MYO7A: variants seen among roughly 807,000 people sequenced by gnomAD.
MYO7A encodes unconventional myosin-VIIa.
In MYO7A, 210 loss-of-function variants were observed where a neutral mutation model predicts 263.8. The observed-to-expected ratio is 0.80, with a 90% CI of 0.71 to 0.89. The LOEUF is 0.89. Ranked by LOEUF, MYO7A falls within the 40% of genes least tolerant of loss-of-function variation. The pLI is 0.00. For missense variants in MYO7A, 2,820 were observed against 2,968.3 expected (o/e 0.95, Z 1.16); for synonymous variants, 1,239 against 1,197.3 (o/e 1.03, Z -0.72).
chr11:77,189,620 T>C lies in MYO7A; in HGVS notation c.3630+150T>C. 6 of 1,201,832 alleles carry C rather than the reference T, an allele frequency of 5.0e-6. No individual in the cohort carries two copies. The South Asian group carries it at 7.4e-5, about 15-fold the overall frequency. 74.4% of individuals were successfully genotyped at this position (1,201,832 alleles called of 1,614,324 possible). A position where few individuals can be genotyped will look rare whatever the true frequency, so the allele number is the denominator to read the frequency against. On this transcript the variant is annotated intron_variant, in intron 28 of 48. Transcript: ENST00000409709. ...TGAGCCCCATCTTCCTGGCACCCCC[T>C]CCTCTCAGGCAGCCACCTCTTTTCC...
chr11:77,194,092 C>T lies in MYO7A; in HGVS notation c.4153-262C>T, dbSNP rs1429306446. ...TGTTTCTTTGCATCACTTCATGTGC[C>T]CCTGGGCAGAGTCCAGCTCCATGCC... On this transcript the variant is annotated intron_variant, in intron 31 of 48. Coordinates refer to ENST00000409709, the MANE Select transcript of MYO7A (RefSeq NM_000260.4). The T allele has an allele frequency of 1.4e-5, 9 of 661,090 alleles. No homozygotes were observed. The Admixed American group carries it at 1.6e-4, about 12-fold the overall frequency. The allele number at this position is 661,090 out of a possible 1,614,324, so 41.0% of individuals were successfully genotyped here.
At chr11:77,203,258 C>T (rs748298175) in intron 38 of MYO7A, 41 bp downstream of exon 38, 148 of 1,537,860 alleles carry the variant, frequency 9.6e-5, no homozygotes, top group African/African-American at 1.6e-4. Flanking sequence ...AGCCAGGGAC[C>T]GGGCAGGGCC....
At chr11:77,149,717 G>A (rs1316461892) in intron 4 of MYO7A, among the ~76,000 whole-genome samples, 3 of 152,152 alleles carry the variant, frequency 2.0e-5, no homozygotes, top group Admixed American at 6.5e-5. Context: ...ATGGCTCCTT[G>A]CTGTCCATTT....
chr11:77,211,223 C>A lies in MYO7A; in HGVS notation c.6123C>A (p.Ile2041=). The A allele has an allele frequency of 6.3e-7, 1 of 1,591,236 alleles. No individual in the cohort carries two copies. The change falls in exon 45 of 49, where the codon ATC becomes ATA. Residue 2041 remains isoleucine, a synonymous_variant. Transcript: ENST00000409709. Reference sequence around the variant, plus strand: ...AGGTGCTGCAGCTGGGGGCGCTGATCTACAGGGTCAAGTTCGAGGAGGACA... The same window carrying A: ...AGGTGCTGCAGCTGGGGGCGCTGATATACAGGGTCAAGTTCGAGGAGGACA... ...REEVLQLGAL[I]YRVKFEEDKS...
At chr11:77,161,982 T>C in intron 12 of MYO7A, 138 bp from the exon 13 acceptor site, 1 of 805,634 alleles carries the variant, frequency 1.2e-6, no homozygotes, top group Non-Finnish European at 2.0e-6. Context: ...GACTTGACAA[T>C]TCCCCTCGCC....
rs547006116 is a variant in MYO7A at position 77,194,481 on chromosome 11, C to T, written c.4280C>T (p.Thr1427Met). ...IPDREITPLK[T>M]LEKWAQLAIA... ...GACCGCGAGATCACGCCCCTGAAGA[C>T]GCTGGAGAAGTGGGCCCAGCTGGCC... The change falls in exon 32 of 49, where the codon ACG (threonine) becomes ATG (methionine). Residue 1427 changes from threonine (T) to methionine (M), a missense_variant. By Grantham distance (81) the Thr-to-Met change is moderately conservative (BLOSUM62 -1). Coordinates refer to ENST00000409709, the MANE Select transcript of MYO7A (RefSeq NM_000260.4). 45 of 1,608,490 alleles carry T rather than the reference C, an allele frequency of 2.8e-5. No individual in the cohort carries two copies. Among genetic ancestry groups the T allele is most frequent in the South Asian group, 5.6e-5 (5 of 89,590 alleles).
chr11:77,166,103 C>T lies in MYO7A; in HGVS notation c.1738C>T (p.Leu580=). ...RDTLHGDIIQ[L]VHSSRNKFIK... ...CACCCTGCATGGGGACATTATCCAG[C>T]TGGTCCACTCCTCCAGGAACAAGTT... Residue 580 remains leucine (L), a synonymous_variant, in exon 15 of 49, where the codon CTG becomes TTG. Transcript: ENST00000409709. The T allele has an allele frequency of 6.2e-7, 1 of 1,613,964 alleles. No individual in the cohort carries two copies. Among genetic ancestry groups the T allele is most frequent in the East Asian group, 2.2e-5 (1 of 44,870 alleles).
intron 17 of MYO7A, among the ~76,000 whole-genome samples, 176 bp downstream of exon 17, chr11:77,175,090 T>C (rs1018844725): frequency 1.3e-5 from 2 of 152,158 alleles, no homozygotes; most frequent in African/African-American, 2.4e-5. Flanking sequence ...TCAGTTGCCA[T>C]GTTCAGCTGG....
At chr11:77,214,577 G>A (rs1283989878) in intron 48 of MYO7A, 30 bp from the exon 49 acceptor site, 1 of 1,492,856 alleles carries the variant, frequency 6.7e-7, no homozygotes, top group Admixed American at 2.0e-5. Context: ...CCCACCGTGT[G>A]CTCGCTTATC....
chr11:77,201,053 C>A (rs536934988), intron 35 of MYO7A, among the ~76,000 whole-genome samples: 1 of 152,216 alleles, frequency 6.6e-6, no homozygotes, highest in Non-Finnish European at 1.5e-5. Flanking sequence ...GGAGGAAGCC[C>A]GTGTGACCAG....
At chr11:77,133,100 C>G (rs1210320874) in intron 2 of MYO7A, among the ~76,000 whole-genome samples, 3 of 152,164 alleles carry the variant, frequency 2.0e-5, no homozygotes, top group African/African-American at 7.2e-5. Flanking sequence ...CAGTGAGTCT[C>G]CAGGGGGCAC....
At position 77,199,831 on chromosome 11, in the gene MYO7A, T is replaced by A; in HGVS notation, c.4852+13T>A. The A allele has an allele frequency of 1.3e-6, 2 of 1,571,396 alleles. No homozygotes were observed. Among genetic ancestry groups the A allele is most frequent in the Non-Finnish European group, 1.7e-6 (2 of 1,152,586 alleles). ...AACCCCAACCCCGGTGAGTGGCTGCTGGTATGGACTGCCTGGCACTGGGGG... is the reference window on the plus strand; with the variant it reads ...AACCCCAACCCCGGTGAGTGGCTGCAGGTATGGACTGCCTGGCACTGGGGG... On this transcript the variant is annotated intron_variant, in intron 35 of 48. Coordinates refer to ENST00000409709, the MANE Select transcript of MYO7A (RefSeq NM_000260.4).
At position 77,214,858 on chromosome 11, in the gene MYO7A, C is replaced by T. The variant is rs1239452194; in HGVS notation, c.*162C>T. The T allele has an allele frequency of 2.5e-5, 15 of 599,488 alleles. No individual in the cohort carries two copies. The East Asian group carries it at 3.9e-4, about 16-fold the overall frequency. The allele number at this position is 599,488 out of a possible 1,614,324, so 37.1% of individuals were successfully genotyped here. On this transcript the variant is annotated 3_prime_UTR_variant, in exon 49 of 49. Transcript: ENST00000409709. ...TACCAACTGGGCCTCTGATGTTCTT[C>T]CAGTGAGGCATCTCTCTGGGATGCA...
At chr11:77,167,009 C>T (rs1217419847) in intron 15 of MYO7A, among the ~76,000 whole-genome samples, 5 of 152,222 alleles carry the variant, frequency 3.3e-5, no homozygotes, top group African/African-American at 7.2e-5. Context: ...GACCCCAGCC[C>T]GGGGCTGAGG....
At chr11:77,168,000 C>A (rs1555073767) in intron 15 of MYO7A, among the ~76,000 whole-genome samples, 1 of 152,194 alleles carries the variant, frequency 6.6e-6, no homozygotes, top group African/African-American at 2.4e-5. Flanking sequence ...ACCCGAAAGC[C>A]CTGTGCTGTA....
chr11:77,158,143 A>C, intron 8 of MYO7A, 134 bp from the exon 9 acceptor site: 1 of 828,716 alleles, frequency 1.2e-6, no homozygotes, highest in East Asian at 3.1e-5. Flanking sequence ...TCACCGGGTG[A>C]GGTCAGCGCC....
chr11:77,204,497 C>T (rs760311467), intron 39 of MYO7A, among the ~76,000 whole-genome samples: 7 of 152,240 alleles, frequency 4.6e-5, no homozygotes, highest in Admixed American at 6.5e-5. Context: ...GCTGGAGCCT[C>T]GTCTGGATGC....
chr11:77,184,925 C>T, intron 27 of MYO7A: 1 of 834,636 alleles, frequency 1.2e-6, no homozygotes, highest in Admixed American at 2.0e-5. Context: ...AAACAGGCAT[C>T]CCTTGGAGAT....
intron 36 of MYO7A, 30 bp from the exon 37 acceptor site, chr11:77,202,270 G>T: frequency 6.4e-7 from 1 of 1,564,518 alleles, no homozygotes; most frequent in Non-Finnish European, 8.7e-7. Flanking sequence ...GTAGAGAGCT[G>T]ACCTGAGCCC....
Sources: gnomAD v4.1 joint callset for allele counts (sites outside exome capture counted in the v4.1 genomes callset) on GRCh38, gnomAD v4.1.1 for gene constraint, MANE v1.5 for transcripts, NCBI Gene and HGNC (gene_info 2026-07-23, HGNC 2026-07-21) for gene names.